Variants in USP32 observed in about 807,000 individuals in gnomAD.
USP32 encodes the protein ubiquitin specific peptidase 32.
A neutral mutation model predicts 204.8 loss-of-function variants in USP32; 59 were observed. That is an observed-to-expected ratio of 0.29 (90% CI 0.23 to 0.36). The LOEUF (loss-of-function observed/expected upper bound fraction) is 0.36, where lower values mean the gene tolerates loss of function less well. USP32 is among the 10% of genes least tolerant of loss of function. The pLI, the probability that USP32 is intolerant of heterozygous loss-of-function variation, is 1.00. For missense variants in USP32, 1,160 were observed against 1,946.4 expected, an observed-to-expected ratio of 0.60 and a Z score of 7.60; for synonymous variants, 517 against 678.4, an observed-to-expected ratio of 0.76 and a Z score of 3.70.
intron 1 of USP32, among the ~76,000 whole-genome samples, chr17:60,372,599 G>A (rs571645905): frequency 1.3e-4 from 20 of 151,444 alleles, no homozygotes; most frequent in Admixed American, 4.6e-4. Context: ...CAGCACTTTG[G>A]AAGACTGAGG....
intron 16 of USP32, 54 bp downstream of exon 16, chr17:60,219,616 T>C: frequency 1.3e-6 from 2 of 1,488,276 alleles, no homozygotes; most frequent in South Asian, 1.2e-5. Context: ...TCTTGCTGCA[T>C]TCTTAAGTTA....
At chr17:60,220,613 T>C (rs1157806673) in intron 15 of USP32, among the ~76,000 whole-genome samples, 2 of 152,072 alleles carry the variant, frequency 1.3e-5, no homozygotes. Context: ...CAATTTCATA[T>C]TCTAAAAGGA....
chr17:60,372,238 G>A (rs2146089755), intron 1 of USP32, among the ~76,000 whole-genome samples: 1 of 152,316 alleles, frequency 6.6e-6, no homozygotes, highest in South Asian at 2.1e-4. Context: ...AAATTAAGGA[G>A]CTGGTTGTCA....
At chr17:60,389,743 G>A (rs1282105899) in intron 1 of USP32, among the ~76,000 whole-genome samples, 3 of 151,808 alleles carry the variant, frequency 2.0e-5, no homozygotes, top group African/African-American at 4.9e-5. Flanking sequence ...CCGGCCGGGC[G>A]CGGTGGCTCA....
intron 1 of USP32, among the ~76,000 whole-genome samples, chr17:60,390,414 G>A (rs1197067634): frequency 3.3e-5 from 5 of 152,112 alleles, no homozygotes; most frequent in Non-Finnish European, 7.3e-5. Flanking sequence ...ACAGCATCCC[G>A]GAAATGACTA....
chr17:60,196,275 AAAG>A (rs1357859107), intron 27 of USP32, among the ~76,000 whole-genome samples: 9 of 151,112 alleles, frequency 6.0e-5, no homozygotes, highest in Non-Finnish European at 1.0e-4. Flanking sequence ...CACGCCAAAA[AAAG>A]AAAAAAAAAA....
intron 30 of USP32, 88 bp downstream of exon 30, chr17:60,185,372 C>T: frequency 6.9e-7 from 1 of 1,450,996 alleles, no homozygotes; most frequent in Non-Finnish European, 9.2e-7. Flanking sequence ...AGGTCTTATT[C>T]TCAAAAATAA....
Position 60,349,623 on chromosome 17 carries a change from A to T in USP32, c.59-4015T>A, listed in dbSNP as rs866506473. Among the ~76,000 whole-genome samples, 177 of 65,642 alleles carry T rather than the reference A, an allele frequency of 2.7e-3. 1 individual carries two copies. The highest frequency in any genetic ancestry group is 0.019 in the Middle Eastern group (2 of 106). 43.1% of individuals were successfully genotyped at this position (65,642 alleles called of 152,430 possible). On this transcript the variant is annotated intron_variant, in intron 1 of 33. Coordinates refer to ENST00000300896, the MANE Select transcript of USP32 (RefSeq NM_032582.4). Reference sequence around the variant, plus strand: ...TATATATATATATATATATATATATATTATATATATATATATATATTATAT... The same window carrying T: ...TATATATATATATATATATATATATTTTATATATATATATATATATTATAT...
intron 5 of USP32, among the ~76,000 whole-genome samples, chr17:60,278,251 T>C (rs1024467069): frequency 4.6e-5 from 7 of 152,016 alleles, no homozygotes; most frequent in Admixed American, 1.3e-4. Flanking sequence ...AAACATTTAG[T>C]AAAAACGTAT....
At chr17:60,249,237 T>C (rs1311378660) in intron 11 of USP32, 2 of 152,810 alleles carry the variant, frequency 1.3e-5, no homozygotes, top group Non-Finnish European at 2.9e-5. Flanking sequence ...CATTTAAAGT[T>C]TGGGCAGGTT....
At chr17:60,206,290 C>T (rs936363315) in intron 25 of USP32, among the ~76,000 whole-genome samples, 30 of 145,926 alleles carry the variant, frequency 2.1e-4, no homozygotes, top group African/African-American at 7.8e-4. Flanking sequence ...GCACTCCAGG[C>T]TGGGTGACAG....
intron 2 of USP32, among the ~76,000 whole-genome samples, chr17:60,336,725 A>G (rs913389053): frequency 2.0e-5 from 3 of 151,710 alleles, no homozygotes; most frequent in Admixed American, 6.6e-5. Context: ...CAAAAAAAAA[A>G]AAAAAGAAAA....
At chr17:60,270,557 C>T (rs1201468323) in intron 6 of USP32, among the ~76,000 whole-genome samples, 1 of 152,182 alleles carries the variant, frequency 6.6e-6, no homozygotes, top group Non-Finnish European at 1.5e-5. Context: ...GGCGCAGTGG[C>T]TCACGCCTGT....
intron 32 of USP32, among the ~76,000 whole-genome samples, chr17:60,180,841 A>G (rs931036133): frequency 1.3e-5 from 2 of 151,172 alleles, no homozygotes; most frequent in Non-Finnish European, 2.9e-5. Context: ...TTGTGTGGAT[A>G]AACAATCATT....
rs2087580473 is a variant in USP32, at chr17:60,301,658, T to C, written c.233A>G (p.Asn78Ser). 6.3e-6 allele frequency: 10 copies of C among 1,599,322 alleles called. No homozygotes were observed. The highest frequency in any genetic ancestry group is 2.3e-5 in the South Asian group (2 of 87,494). Residue 78 changes from asparagine (N) to serine (S), a missense_variant, in exon 3 of 34, where the codon AAT (asparagine) becomes AGT (serine). Asn to Ser is a conservative substitution (Grantham distance 46). Coordinates refer to ENST00000300896, the MANE Select transcript of USP32 (RefSeq NM_032582.4). ...FGGTSKGLHFNNLIVGLVLLT... is the reference protein window; with the variant it reads ...FGGTSKGLHFSNLIVGLVLLT... Reference sequence around the variant, plus strand: ...GAGGACAAGTCCAACTATTAAATTATTGAAGTGCAGCCCTTTGGATGTTCC... The same window carrying C: ...GAGGACAAGTCCAACTATTAAATTACTGAAGTGCAGCCCTTTGGATGTTCC...
At chr17:60,365,924 G>T (rs1018922902) in intron 1 of USP32, among the ~76,000 whole-genome samples, 1 of 152,058 alleles carries the variant, frequency 6.6e-6, no homozygotes, top group African/African-American at 2.4e-5. Flanking sequence ...GGCTATGTGG[G>T]GTTTTTCGGT....
intron 2 of USP32, among the ~76,000 whole-genome samples, chr17:60,303,309 A>T (rs1226384234): frequency 6.6e-6 from 1 of 152,196 alleles, no homozygotes; most frequent in South Asian, 2.1e-4. Flanking sequence ...GCAGGAAAAC[A>T]TAATGGCCCC....
At chr17:60,284,671 G>C (rs2087065185) in intron 5 of USP32, among the ~76,000 whole-genome samples, 1 of 152,164 alleles carries the variant, frequency 6.6e-6, no homozygotes, top group South Asian at 2.1e-4. Context: ...TAATAATACA[G>C]TGTTTTCAAA....
At position 60,222,494 on chromosome 17, in the gene USP32, T is replaced by G. The variant is rs1334918992; in HGVS notation, c.1664A>C (p.His555Pro). The G allele has an allele frequency of 6.2e-7, 1 of 1,614,018 alleles. No homozygotes were observed. The highest frequency in any genetic ancestry group is 1.3e-5 in the African/African-American group (1 of 74,912). ...TGGGACCATTTCATAGTCTCTTCCATGAATCAGCTGTGGAGTTCGTTTTAA... is the reference window on the plus strand; with the variant it reads ...TGGGACCATTTCATAGTCTCTTCCAGGAATCAGCTGTGGAGTTCGTTTTAA... ...GRLKRTPQLI[H>P]GRDYEMVPEP... Residue 555 changes from histidine to proline, a missense_variant, in exon 15 of 34, where the codon CAT (histidine) becomes CCT (proline). Transcript: ENST00000300896.
Sources: allele counts gnomAD v4.1 joint callset (sites outside exome capture counted in the v4.1 genomes callset), GRCh38; gene constraint gnomAD v4.1.1; transcripts MANE v1.5; gene names NCBI Gene and HGNC (gene_info 2026-07-23, HGNC 2026-07-21).